The following TBC1D17 variants were observed in gnomAD, a reference collection of about 807,000 sequenced individuals.
TBC1D17 encodes TBC1 domain family, member 17.
TBC1D17 carries 69 observed loss-of-function variants against 78.8 expected under a neutral mutation model. That is an observed-to-expected ratio of 0.88 (90% CI 0.72 to 1.07). The LOEUF (loss-of-function observed/expected upper bound fraction) is 1.07, where lower values mean the gene tolerates loss of function less well. TBC1D17 is among the 50% of genes least tolerant of loss of function. The probability of loss-of-function intolerance (pLI) is 0.00; values close to 1 mark genes in which losing one functional copy is unlikely to be tolerated. For synonymous variants in TBC1D17, 456 were observed against 358.3 expected, an observed-to-expected ratio of 1.27 and a Z score of -3.08; for missense variants, 957 against 861.0, an observed-to-expected ratio of 1.11 and a Z score of -1.39.
chr19:49,885,528 AAAGT>A (rs549108022), intron 13 of TBC1D17: 320 of 151,954 alleles, frequency 2.1e-3, no homozygotes, highest in Non-Finnish European at 3.1e-3. Context: ...TGAAGAAGAA[AAAGT>A]AAGGCTGGGT....
At chr19:49,883,242 A>G (rs932622112) in intron 9 of TBC1D17, among the ~76,000 whole-genome samples, 166 bp downstream of exon 9, 1 of 152,188 alleles carries the variant, frequency 6.6e-6, no homozygotes, top group Non-Finnish European at 1.5e-5. Context: ...TCACCCCTGT[A>G]TGGTCTGTCT....
chr19:49,888,614 C>T lies in TBC1D17; in HGVS notation c.1937C>T (p.Ala646Val). The change falls in exon 17 of 17, where the codon GCC becomes GTC. Residue 646 changes from alanine to valine, a missense_variant. Coordinates refer to ENST00000221543, the MANE Select transcript of TBC1D17 (RefSeq NM_024682.3). ...EILPEEEDEG[A>V]DS ...CTGCCCGAGGAGGAGGACGAGGGCGCCGACTCCTAACCCCGCCAGGCAGCC... is the reference window on the plus strand; with the variant it reads ...CTGCCCGAGGAGGAGGACGAGGGCGTCGACTCCTAACCCCGCCAGGCAGCC... The T allele has an allele frequency of 1.3e-6, 2 of 1,535,066 alleles. No homozygotes were observed. The highest frequency in any genetic ancestry group is 1.7e-6 in the Non-Finnish European group (2 of 1,145,426).
intron 5 of TBC1D17, 106 bp downstream of exon 5, chr19:49,881,581 G>A (rs893216001): frequency 3.5e-6 from 4 of 1,144,132 alleles, no homozygotes; most frequent in African/African-American, 3.1e-5. Flanking sequence ...CTGATTTAAA[G>A]GCAGGCAAAG....
At position 49,884,521 on chromosome 19, in the gene TBC1D17, G is replaced by C. The variant is rs1357484611; in HGVS notation, c.1306G>C (p.Asp436His). The change falls in exon 12 of 17, where the codon GAT (aspartate) becomes CAT (histidine). Residue 436 changes from aspartate to histidine, a missense_variant. Asp to His is a moderately conservative substitution (Grantham distance 81). Coordinates refer to ENST00000221543, the MANE Select transcript of TBC1D17 (RefSeq NM_024682.3). The stretch of plus-strand genomic sequence containing the variant: ...CCTCTACGTCATTCAGAACGAGGTG[G>C]ATGCTTTCTGGTGTTTCTGTGGCTT... Reference protein sequence around the residue: ...PILYVIQNEVDAFWCFCGFME... With the variant: ...PILYVIQNEVHAFWCFCGFME... 1 of 1,614,068 alleles carries C rather than the reference G, an allele frequency of 6.2e-7. No homozygotes were observed. Among genetic ancestry groups the C allele is most frequent in the Non-Finnish European group, 8.5e-7 (1 of 1,180,044 alleles).
At chr19:49,882,179 CGGGTGT>C in intron 6 of TBC1D17, 27 bp downstream of exon 6, 1 of 1,613,726 alleles carries the variant, frequency 6.2e-7, no homozygotes, top group Non-Finnish European at 8.5e-7. Context: ...GGAGGCCTGG[CGGGTGT>C]GGGCAGGGAG....
In TBC1D17 at chr19:49,882,999, G is replaced by A; in HGVS notation, c.954G>A (p.Glu318=). The part of the protein sequence containing the change: ...SGGLSPSLRR[E]AWKFLLGYLS... ...GTCTGAGCCCCAGCCTGCGGCGCGAGGCCTGGAAGTTCCTCCTAGGGTACC... is the reference window on the plus strand; with the variant it reads ...GTCTGAGCCCCAGCCTGCGGCGCGAAGCCTGGAAGTTCCTCCTAGGGTACC... Residue 318 remains glutamate, a synonymous_variant, in exon 9 of 17, where the codon GAG becomes GAA. Transcript: ENST00000221543. The A allele has an allele frequency of 6.2e-7, 1 of 1,611,188 alleles. No homozygotes were observed. The highest frequency in any genetic ancestry group is 8.5e-7 in the Non-Finnish European group (1 of 1,178,848).
In TBC1D17 at chr19:49,882,440, G is replaced by A. The variant is rs1472909446; in HGVS notation, c.798+40G>A. The A allele has an allele frequency of 5.1e-6, 8 of 1,577,138 alleles. No individual in the cohort carries two copies. In the East Asian group the frequency reaches 1.6e-4, roughly 31 times the overall value. On this transcript the variant is annotated intron_variant, in intron 7 of 16. Transcript: ENST00000221543. ...GACCCTCCCTGTTATTTCTGGCCGT[G>A]TCTCCCTGGGCGCATGATTTCATTT... is the stretch of plus-strand genomic sequence containing the variant.
intron 9 of TBC1D17, 58 bp from the exon 10 acceptor site, chr19:49,883,593 G>A: frequency 2.0e-6 from 3 of 1,514,892 alleles, no homozygotes; most frequent in South Asian, 2.3e-5. Flanking sequence ...CAGGCTTGGA[G>A]GTCTCTGGGT....
At chr19:49,884,180 C>A in intron 10 of TBC1D17, 73 bp from the exon 11 acceptor site, 1 of 1,371,338 alleles carries the variant, frequency 7.3e-7, no homozygotes, top group Non-Finnish European at 1.0e-6. Context: ...GCAGTGGGGG[C>A]TGGCACTGGT....
At chr19:49,880,228 C>A (rs376235971) in intron 3 of TBC1D17, 51 bp from the exon 4 acceptor site, 4 of 1,603,276 alleles carry the variant, frequency 2.5e-6, no homozygotes, top group African/African-American at 1.3e-5. Flanking sequence ...AGCCTCGAGG[C>A]TAAGATCTGA....
intron 13 of TBC1D17, chr19:49,887,026 G>A (rs2075063918): frequency 5.3e-6 from 1 of 188,782 alleles, no homozygotes; most frequent in South Asian, 9.5e-5. Flanking sequence ...TAGTAGAGAT[G>A]GGGTTTTACC....
chr19:49,879,659 C>T (rs938967027), intron 3 of TBC1D17, among the ~76,000 whole-genome samples: 60 of 138,796 alleles, frequency 4.3e-4, no homozygotes, highest in Non-Finnish European at 1.1e-4. Flanking sequence ...AAAGTGGTAT[C>T]TTATTGTGGT....
Position 49,882,236 on chromosome 19 carries a change from C to T in TBC1D17, c.640-6C>T. On this transcript the variant is annotated splice_region_variant and splice_polypyrimidine_tract_variant and intron_variant, in intron 6 of 16. Transcript: ENST00000221543. The stretch of plus-strand genomic sequence containing the variant: ...GGCCGTGACCTCCCTTTGGCCTCGT[C>T]CCCAGCGCTTCCTCCAGGATCCCTA... The T allele has an allele frequency of 6.2e-7, 1 of 1,612,274 alleles. No individual in the cohort carries two copies. The highest frequency in any genetic ancestry group is 2.2e-5 in the East Asian group (1 of 44,882).
At chr19:49,883,769 G>A in intron 10 of TBC1D17, 24 bp downstream of exon 10, 1 of 1,601,726 alleles carries the variant, frequency 6.2e-7, no homozygotes, top group East Asian at 2.2e-5. Flanking sequence ...GTGGCACTTA[G>A]GGTGGATGGG....
At chr19:49,882,496 C>A in intron 7 of TBC1D17, 96 bp downstream of exon 7, 1 of 1,521,688 alleles carries the variant, frequency 6.6e-7, no homozygotes, top group Non-Finnish European at 8.8e-7. Context: ...TTTGGTAAAA[C>A]GGGGATGGTA....
In TBC1D17 at chr19:49,888,526, G is replaced by GCCCCCCCCCCCCC; in HGVS notation, c.1853_1854insCCCCCCCCCCCCC (p.Thr620ProfsTer64). ...CCCGCTGCCTCTGTCGCCCACCCGG[G>GCCCCCCCCCCCCC]CCCCGCCCACCCCGCCGCCCTCCAC... On this transcript the variant is annotated frameshift_variant, in exon 17 of 17. Coordinates refer to ENST00000221543, the MANE Select transcript of TBC1D17 (RefSeq NM_024682.3). LOFTEE classifies it low-confidence loss of function (END_TRUNC). 2.0e-6 allele frequency: 3 copies of GCCCCCCCCCCCCC among 1,533,214 alleles called. No individual in the cohort carries two copies. Among genetic ancestry groups the GCCCCCCCCCCCCC allele is most frequent in the South Asian group, 1.2e-5 (1 of 84,280 alleles). The allele number at this position is 1,533,214 out of a possible 1,614,324, so 95.0% of individuals were successfully genotyped here.
chr19:49,884,297 G>A lies in TBC1D17; in HGVS notation c.1171G>A (p.Gly391Ser), dbSNP rs1255265517. 6.2e-7 allele frequency: 1 copy of A among 1,614,006 alleles called. No homozygotes were observed. The highest frequency in any genetic ancestry group is 1.7e-5 in the Admixed American group (1 of 60,012). The change falls in exon 11 of 17, where the codon GGT becomes AGT. Residue 391 changes from glycine to serine, a missense_variant. Gly to Ser is a moderately conservative substitution (Grantham distance 56). Coordinates refer to ENST00000221543, the MANE Select transcript of TBC1D17 (RefSeq NM_024682.3). ...TGACAGGACCAACAAGTTCTACGAG[G>A]GTCCCGAGAACCCGGGGCTGGGCCT... ...RTDRTNKFYE[G>S]PENPGLGLLN...
At position 49,880,291 on chromosome 19, in the gene TBC1D17, G is replaced by T; in HGVS notation, c.208G>T (p.Gly70Cys). The change falls in exon 4 of 17, where the codon GGT becomes TGT. Residue 70 changes from glycine (G) to cysteine (C), a missense_variant. Gly to Cys is a radical substitution (Grantham distance 159, BLOSUM62 -3). Coordinates refer to ENST00000221543, the MANE Select transcript of TBC1D17 (RefSeq NM_024682.3). ...TTCCTCTCCTAAGGACTCCAGTGGGGGTGACTCATGTGCTTCTGAGGAGGA... is the reference window on the plus strand; with the variant it reads ...TTCCTCTCCTAAGGACTCCAGTGGGTGTGACTCATGTGCTTCTGAGGAGGA... ...ILFSKKDSSG[G>C]DSCASEEEPT... 1 of 1,614,036 alleles carries T rather than the reference G, an allele frequency of 6.2e-7. No homozygotes were observed. The highest frequency in any genetic ancestry group is 8.5e-7 in the Non-Finnish European group (1 of 1,179,974).
rs1455850070 is a variant in TBC1D17, at chr19:49,881,382, C to T, written c.434C>T (p.Thr145Ile). The change falls in exon 5 of 17, where the codon ACC becomes ATC. Residue 145 changes from threonine to isoleucine, a missense_variant. Physicochemically the swap from Thr to Ile is moderately conservative, Grantham distance 89. Coordinates refer to ENST00000221543, the MANE Select transcript of TBC1D17 (RefSeq NM_024682.3). ...AGCTGGGCCTACCTGGTTCTGGTGA[C>T]CCAGGCTGGAGGTTCCCTGCCCGCA... ...GLSWAYLVLV[T>I]QAGGSLPALH... 6.2e-7 allele frequency: 1 copy of T among 1,613,166 alleles called. No individual in the cohort carries two copies. Among genetic ancestry groups the T allele is most frequent in the Non-Finnish European group, 8.5e-7 (1 of 1,180,008 alleles).
Sources: allele counts gnomAD v4.1 joint callset (sites outside exome capture counted in the v4.1 genomes callset), GRCh38; gene constraint gnomAD v4.1.1; transcripts MANE v1.5; gene names NCBI Gene and HGNC (gene_info 2026-07-23, HGNC 2026-07-21).